Variants in PGM1 observed in about 807,000 individuals in gnomAD.
The protein encoded by PGM1 is phosphoglucomutase-1.
Under a neutral mutation model 55.6 loss-of-function variants are expected in PGM1, and 52 were observed. That is an observed-to-expected ratio of 0.94 (90% CI 0.75 to 1.18). PGM1 has a LOEUF of 1.18. Ranked by LOEUF, PGM1 falls within the 50% of genes most tolerant of loss-of-function variation. The probability of loss-of-function intolerance (pLI) is 0.00; values close to 1 mark genes in which losing one functional copy is unlikely to be tolerated. For synonymous variants in PGM1, 287 were observed against 271.7 expected (o/e 1.06, Z -0.55); for missense variants, 724 against 729.3 (o/e 0.99, Z 0.08).
intron 1 of PGM1, among the ~76,000 whole-genome samples, chr1:63,597,794 G>A (rs759663839): frequency 6.6e-6 from 1 of 152,292 alleles, no homozygotes; most frequent in East Asian, 1.9e-4. Flanking sequence ...ATGAATGTGT[G>A]CATGTTTTGA....
At chr1:63,652,644 A>G (rs1649840704) in intron 9 of PGM1, among the ~76,000 whole-genome samples, 1 of 146,610 alleles carries the variant, frequency 6.8e-6, no homozygotes, top group Non-Finnish European at 1.5e-5. Flanking sequence ...TTCTGTTACA[A>G]CCTCCCAGTT....
chr1:63,630,023 A>G lies in PGM1; in HGVS notation c.491A>G (p.Lys164Arg). 1.2e-6 allele frequency: 2 copies of G among 1,614,074 alleles called. No homozygotes were observed. Among genetic ancestry groups the G allele is most frequent in the South Asian group, 2.2e-5 (2 of 91,086 alleles). The change falls in exon 3 of 11, where the codon AAA (lysine) becomes AGA (arginine). Residue 164 changes from lysine to arginine, a missense_variant. By Grantham distance (26) the Lys-to-Arg change is conservative. This residue lies in a region of PGM1 where 379 missense variants were observed against 357.5 expected (regional missense o/e 1.06). Transcript: ENST00000371084. ...GAATATGCAGTTTGCCCTGACCTGAAAGTAGACCTTGGTGTTCTGGGAAAG... is the reference window on the plus strand; with the variant it reads ...GAATATGCAGTTTGCCCTGACCTGAGAGTAGACCTTGGTGTTCTGGGAAAG... ...IEEYAVCPDL[K>R]VDLGVLGKQQ...
chr1:63,654,967 CTTTTTT>C (rs58711467), intron 10 of PGM1, among the ~76,000 whole-genome samples: 1 of 131,640 alleles, frequency 7.6e-6, no homozygotes. Context: ...ATGAATCTCT[CTTTTTT>C]TTTTTTTTTT....
intron 6 of PGM1, 94 bp downstream of exon 6, chr1:63,636,482 C>T: frequency 8.1e-7 from 1 of 1,236,974 alleles, no homozygotes; most frequent in Non-Finnish European, 1.2e-6. Flanking sequence ...CCTTCCCTTT[C>T]AGCATGGGCA....
chr1:63,646,790 C>T (rs527245316), intron 7 of PGM1, among the ~76,000 whole-genome samples: 2 of 152,224 alleles, frequency 1.3e-5, no homozygotes, highest in East Asian at 1.9e-4. Context: ...ATAACACCAG[C>T]TTTTTATTAT....
At chr1:63,654,281 C>A in intron 9 of PGM1, 51 bp from the exon 10 acceptor site, 1 of 1,601,292 alleles carries the variant, frequency 6.2e-7, no homozygotes, top group Non-Finnish European at 8.6e-7. Flanking sequence ...AATTTGCCAG[C>A]CTTCAGTCTC....
intron 1 of PGM1, among the ~76,000 whole-genome samples, chr1:63,622,811 A>G (rs933977494): frequency 6.6e-6 from 1 of 152,228 alleles, no homozygotes; most frequent in Non-Finnish European, 1.5e-5. Flanking sequence ...TGAAGTAAAA[A>G]TAATTTCTTA....
At chr1:63,647,094 T>C (rs1649664429) in intron 7 of PGM1, among the ~76,000 whole-genome samples, 1 of 151,296 alleles carries the variant, frequency 6.6e-6, no homozygotes, top group Non-Finnish European at 1.5e-5. Context: ...ACTACAAAAA[T>C]TAGCTGAGCA....
chr1:63,619,599 T>C (rs1252118705), intron 1 of PGM1, among the ~76,000 whole-genome samples: 1 of 152,220 alleles, frequency 6.6e-6, no homozygotes, highest in African/African-American at 2.4e-5. Context: ...AAAAACATAT[T>C]GGTTTATATT....
chr1:63,613,641 CAA>C (rs1265169761), intron 1 of PGM1, among the ~76,000 whole-genome samples: 1 of 151,392 alleles, frequency 6.6e-6, no homozygotes, highest in African/African-American at 2.4e-5. Context: ...ATTACATCTG[CAA>C]AGACCCTATT....
rs2269248 is a variant in PGM1, at chr1:63,636,443, A to G, written c.1028+55A>G. On this transcript the variant is annotated intron_variant, in intron 6 of 10. Transcript: ENST00000371084. ...GTCTTAGGTCGTCCCAGTCTTCACC[A>G]TACCCTTCACTGTGCCTGGAACACG... 0.36 allele frequency: 559,022 copies of G among 1,542,012 alleles called. 107,426 individuals are homozygous for G. Among genetic ancestry groups the G allele is most frequent in the African/African-American group, 0.64 (46,688 of 73,384 alleles).
intron 1 of PGM1, among the ~76,000 whole-genome samples, chr1:63,617,411 T>C (rs1648765711): frequency 6.6e-6 from 1 of 152,146 alleles, no homozygotes. Flanking sequence ...GGGCGTCTCC[T>C]GCAGCCACAG....
At chr1:63,646,626 G>A (rs533448836) in intron 7 of PGM1, among the ~76,000 whole-genome samples, 121 of 152,230 alleles carry the variant, frequency 7.9e-4, no homozygotes, top group African/African-American at 2.7e-3. Flanking sequence ...TTGTGCCAGC[G>A]TCCACTCCCA....
intron 1 of PGM1, among the ~76,000 whole-genome samples, chr1:63,611,821 T>G (rs1648574190): frequency 6.6e-6 from 1 of 152,002 alleles, no homozygotes; most frequent in East Asian, 1.9e-4. Context: ...GAGAATCGCT[T>G]GAACCAGGGG....
chr1:63,636,923 C>T (rs1041577469), intron 6 of PGM1, among the ~76,000 whole-genome samples: 12 of 152,180 alleles, frequency 7.9e-5, no homozygotes, highest in Admixed American at 2.0e-4. Flanking sequence ...CTGGATCGCT[C>T]TTGCCCACAC....
chr1:63,593,735 G>T lies in PGM1; in HGVS notation c.246+1G>T. On this transcript the variant is annotated splice_donor_variant, in intron 1 of 10. Transcript: ENST00000371084. LOFTEE classifies it high-confidence loss of function. ...CGCTCGCATCGCTGCCGCCAACGGG[G>T]TAAGGGATGCGCGGCCCCGCGCCGC... is the stretch of plus-strand genomic sequence containing the variant. 1 of 1,592,868 alleles carries T rather than the reference G, an allele frequency of 6.3e-7. No individual in the cohort carries two copies. Among genetic ancestry groups the T allele is most frequent in the Non-Finnish European group, 8.5e-7 (1 of 1,174,110 alleles).
chr1:63,641,862 A>G (rs1050111130), intron 7 of PGM1, among the ~76,000 whole-genome samples: 3 of 152,216 alleles, frequency 2.0e-5, no homozygotes, highest in African/African-American at 7.2e-5. Context: ...CGCTTGTTGA[A>G]TGAGTTCATG....
chr1:63,651,580 CCAAA>C, intron 8 of PGM1, 85 bp from the exon 9 acceptor site: 8 of 1,268,284 alleles, frequency 6.3e-6, no homozygotes, highest in Non-Finnish European at 9.0e-6. Context: ...TGCGGGAGGG[CCAAA>C]CAAATGATGA....
chr1:63,640,032 G>T (rs1649473360), intron 7 of PGM1, among the ~76,000 whole-genome samples: 1 of 152,168 alleles, frequency 6.6e-6, no homozygotes, highest in Non-Finnish European at 1.5e-5. Flanking sequence ...GAGATTACAA[G>T]GCCACTGCTT....
Sources: allele counts gnomAD v4.1 joint callset (sites outside exome capture counted in the v4.1 genomes callset), GRCh38; gene constraint gnomAD v4.1.1; regional missense constraint gnomAD v4.1.1; transcripts MANE v1.5; gene names NCBI Gene and HGNC (gene_info 2026-07-23, HGNC 2026-07-21).